ANKS1B: variants seen among roughly 807,000 people sequenced by gnomAD.
ANKS1B encodes ankyrin repeat and sterile alpha motif domain containing 1B.
Under a neutral mutation model 148.3 loss-of-function variants are expected in ANKS1B, and 36 were observed. The ratio of observed to expected loss-of-function variants is 0.24; its 90% CI spans 0.19 to 0.32. ANKS1B has a LOEUF of 0.32. Among genes scored for constraint, ANKS1B ranks in the 10% least tolerant of loss-of-function variants. The probability of loss-of-function intolerance (pLI) is 1.00; values close to 1 mark genes in which losing one functional copy is unlikely to be tolerated. For synonymous variants in ANKS1B, 542 were observed against 560.8 expected (o/e 0.97, Z 0.47); for missense variants, 1,157 against 1,542.6 (o/e 0.75, Z 4.19).
At chr12:99,847,043 G>T (rs755444416) in intron 1 of ANKS1B, among the ~76,000 whole-genome samples, 2 of 151,172 alleles carry the variant, frequency 1.3e-5, no homozygotes, top group African/African-American at 4.8e-5. Context: ...GTTTTGGCAC[G>T]CTAAGTACTT....
At chr12:99,357,593 CA>C (rs1470502580) in intron 12 of ANKS1B, among the ~76,000 whole-genome samples, 3 of 152,268 alleles carry the variant, frequency 2.0e-5, no homozygotes, top group South Asian at 4.1e-4. Flanking sequence ...GTATTATACT[CA>C]TCATCTGTTT....
At chr12:99,513,162 T>C (rs1344216680) in intron 9 of ANKS1B, among the ~76,000 whole-genome samples, 3 of 152,030 alleles carry the variant, frequency 2.0e-5, no homozygotes, top group Non-Finnish European at 2.9e-5. Flanking sequence ...CAAAAAATTA[T>C]GACTCACTGA....
At chr12:99,052,707 C>T (rs1350678450) in intron 17 of ANKS1B, among the ~76,000 whole-genome samples, 1 of 113,130 alleles carries the variant, frequency 8.8e-6, no homozygotes, top group Admixed American at 1.3e-4. Context: ...CGCAGTCCGA[C>T]CTGGGCGACA....
At chr12:99,922,106 C>A (rs1395205085) in intron 1 of ANKS1B, among the ~76,000 whole-genome samples, 4 of 152,098 alleles carry the variant, frequency 2.6e-5, no homozygotes. Context: ...TAGCAGCTAC[C>A]TGAGGGAGTT....
At chr12:99,702,547 CCTT>C (rs969375598) in intron 8 of ANKS1B, among the ~76,000 whole-genome samples, 1 of 151,714 alleles carries the variant, frequency 6.6e-6, no homozygotes, top group Non-Finnish European at 1.5e-5. Flanking sequence ...TGTTTGATTG[CCTT>C]TTTTTTATTT....
At chr12:99,177,937 T>G (rs926328327) in intron 14 of ANKS1B, among the ~76,000 whole-genome samples, 9 of 152,198 alleles carry the variant, frequency 5.9e-5, no homozygotes, top group African/African-American at 2.2e-4. Flanking sequence ...TAGATCTTTG[T>G]TTGTTTCATA....
At chr12:99,495,342 A>AGTGTGTGTGTGTGTGTGTGTGTGTGTGT (rs56107230) in intron 10 of ANKS1B, among the ~76,000 whole-genome samples, 1 of 145,298 alleles carries the variant, frequency 6.9e-6, no homozygotes, top group African/African-American at 2.6e-5. Context: ...GGGGAGAAAA[A>AGTGTGTGTGTGTGTGTGTGTGTGTGTGT]GTGTGTGTGT....
intron 17 of ANKS1B, among the ~76,000 whole-genome samples, chr12:98,961,474 CA>C (rs1285959434): frequency 6.6e-6 from 1 of 151,856 alleles, no homozygotes; most frequent in Non-Finnish European, 1.5e-5. Context: ...ACCTGTCCTA[CA>C]AAAAAATGCT....
At chr12:99,419,856 A>T (rs1440302454) in intron 11 of ANKS1B, among the ~76,000 whole-genome samples, 2 of 152,072 alleles carry the variant, frequency 1.3e-5, no homozygotes, top group South Asian at 4.1e-4. Context: ...CTCTTTGTAG[A>T]TATATGGTCT....
At chr12:99,577,163 C>T (rs1446553597) in intron 9 of ANKS1B, among the ~76,000 whole-genome samples, 1 of 151,786 alleles carries the variant, frequency 6.6e-6, no homozygotes, top group Non-Finnish European at 1.5e-5. Flanking sequence ...ATATTTCCAT[C>T]CAGTCTTTCT....
chr12:98,926,003 T>A (rs972250828), intron 17 of ANKS1B, among the ~76,000 whole-genome samples: 2 of 151,812 alleles, frequency 1.3e-5, no homozygotes, highest in African/African-American at 4.8e-5. Flanking sequence ...TTTAGGGGGG[T>A]TTGAAAAGCT....
rs1278710950 is a variant in ANKS1B, at chr12:99,685,104, A to T, written c.1129-29894T>A. The stretch of plus-strand genomic sequence containing the variant: ...GACTCAAACTAAAAAGTTTCTGCAC[A>T]GCAAAAGAAATAATCAGCAGAGTAA... On this transcript the variant is annotated intron_variant, in intron 8 of 26. Coordinates refer to ENST00000683438, the MANE Select transcript of ANKS1B (RefSeq NM_001352186.2). 2.0e-5 allele frequency among the ~76,000 whole-genome samples: 3 copies of T among 152,174 alleles called. No individual in the cohort carries two copies. The East Asian group carries it at 5.8e-4, about 29-fold the overall frequency.
chr12:99,801,926 T>C (rs1348917974), intron 4 of ANKS1B, among the ~76,000 whole-genome samples: 1 of 152,140 alleles, frequency 6.6e-6, no homozygotes, highest in East Asian at 1.9e-4. Context: ...TGATTGCTTG[T>C]GGTTTCCTCA....
chr12:99,288,080 C>A (rs764761943), intron 12 of ANKS1B, among the ~76,000 whole-genome samples: 8 of 152,020 alleles, frequency 5.3e-5, no homozygotes, highest in African/African-American at 1.4e-4. Context: ...TAACACCAAG[C>A]AAATTTAACC....
chr12:98,835,184 C>A (rs1468673159), intron 17 of ANKS1B, among the ~76,000 whole-genome samples: 2 of 151,904 alleles, frequency 1.3e-5, no homozygotes, highest in African/African-American at 4.8e-5. Flanking sequence ...GATGTAATCC[C>A]CACTATTGCT....
chr12:99,524,462 G>T (rs1318535988), intron 9 of ANKS1B, among the ~76,000 whole-genome samples: 8 of 152,106 alleles, frequency 5.3e-5, no homozygotes, highest in Admixed American at 3.9e-4. Context: ...TATCCAGGTG[G>T]CCCACTATAC....
At chr12:99,109,181 A>G (rs2059805707) in intron 15 of ANKS1B, among the ~76,000 whole-genome samples, 1 of 85,248 alleles carries the variant, frequency 1.2e-5, no homozygotes. Context: ...TTATTCAACC[A>G]TCAGCACTTG....
chr12:99,514,357 C>A (rs1178362228), intron 9 of ANKS1B, among the ~76,000 whole-genome samples: 1 of 152,022 alleles, frequency 6.6e-6, no homozygotes, highest in Non-Finnish European at 1.5e-5. Context: ...TTGTCAAAGT[C>A]TGAAACAATG....
chr12:99,595,049 T>C lies in ANKS1B; in HGVS notation c.1272+60018A>G, dbSNP rs147303078. 7.4e-3 allele frequency among the ~76,000 whole-genome samples: 1,129 copies of C among 152,088 alleles called. 10 individuals are homozygous for C. The highest frequency in any genetic ancestry group is 0.013 in the Admixed American group (202 of 15,256). ...GCAATATGTTATTCCTGAAAGAGCA[T>C]AGACTTTGGTGCAGACTTAGGCACA... On this transcript the variant is annotated intron_variant, in intron 9 of 26. Transcript: ENST00000683438.
Sources: gnomAD v4.1 joint callset for allele counts (sites outside exome capture counted in the v4.1 genomes callset) on GRCh38, gnomAD v4.1.1 for gene constraint, MANE v1.5 for transcripts, NCBI Gene and HGNC (gene_info 2026-07-23, HGNC 2026-07-21) for gene names.